ZMIZ1: variants seen among roughly 807,000 people sequenced by gnomAD.
ZMIZ1 encodes the protein zinc finger MIZ domain-containing protein 1.
A neutral mutation model predicts 113.9 loss-of-function variants in ZMIZ1; 17 were observed. The ratio of observed to expected loss-of-function variants is 0.15; its 90% CI spans 0.10 to 0.22. ZMIZ1 has a LOEUF of 0.22. Ranked by LOEUF, ZMIZ1 falls within the 10% of genes least tolerant of loss-of-function variation. The pLI, the probability that ZMIZ1 is intolerant of heterozygous loss-of-function variation, is 1.00. For missense variants in ZMIZ1, 1,059 were observed against 1,477.8 expected (o/e 0.72, Z 4.65); for synonymous variants, 607 against 603.1 (o/e 1.01, Z -0.09).
At chr10:79,197,926 C>T (rs1381331675) in intron 4 of ZMIZ1, among the ~76,000 whole-genome samples, 3 of 152,116 alleles carry the variant, frequency 2.0e-5, no homozygotes, top group African/African-American at 4.8e-5. Context: ...CTCCGCACGC[C>T]CAACCCATCT....
intron 3 of ZMIZ1, among the ~76,000 whole-genome samples, chr10:79,146,440 C>A (rs1410383040): frequency 6.6e-6 from 1 of 152,172 alleles, no homozygotes; most frequent in Non-Finnish European, 1.5e-5. Flanking sequence ...TCCCTCACCC[C>A]CTAGATGCCC....
At chr10:79,233,988 G>A (rs1239949157) in intron 7 of ZMIZ1, among the ~76,000 whole-genome samples, 1 of 152,068 alleles carries the variant, frequency 6.6e-6, no homozygotes, top group South Asian at 2.1e-4. Flanking sequence ...GAGCAACCCA[G>A]GCTGAGGGCA....
intron 3 of ZMIZ1, among the ~76,000 whole-genome samples, chr10:79,149,487 C>T (rs1845623424): frequency 6.6e-6 from 1 of 152,190 alleles, no homozygotes; most frequent in South Asian, 2.1e-4. Flanking sequence ...CCTGAGGCCA[C>T]AGGGAATGGG....
chr10:79,232,937 G>C (rs12250559), intron 7 of ZMIZ1, among the ~76,000 whole-genome samples: 2,028 of 152,304 alleles, frequency 0.013, 17 homozygotes, highest in Middle Eastern at 0.037. Context: ...GTGATAGGAA[G>C]TACTGATGCC....
At chr10:79,213,900 G>A (rs1222078286) in intron 6 of ZMIZ1, among the ~76,000 whole-genome samples, 1 of 152,140 alleles carries the variant, frequency 6.6e-6, no homozygotes, top group Non-Finnish European at 1.5e-5. Flanking sequence ...TTTGCACTTT[G>A]TTGCATACAA....
At position 79,298,563 on chromosome 10, in the gene ZMIZ1, C is replaced by A. The variant is rs745685007; in HGVS notation, c.1649C>A (p.Ala550Asp). ...CCTGACATCAAGCCAAATATGAGCGCTCTGCCACCACCCCCAGGTGAGGGC... is the reference window on the plus strand; with the variant it reads ...CCTGACATCAAGCCAAATATGAGCGATCTGCCACCACCCCCAGGTGAGGGC... Reference protein sequence around the residue: ...FPPDIKPNMSALPPPPANHND... With the variant: ...FPPDIKPNMSDLPPPPANHND... The change falls in exon 15 of 25, where the codon GCT (alanine) becomes GAT (aspartate). Residue 550 changes from alanine to aspartate, a missense_variant. Physicochemically the swap from Ala to Asp is moderately radical, Grantham distance 126. Transcript: ENST00000334512. 1.9e-6 allele frequency: 3 copies of A among 1,600,368 alleles called. No individual in the cohort carries two copies. In the South Asian group the frequency reaches 3.3e-5, roughly 18 times the overall value.
rs180719596 is a variant in ZMIZ1 at position 79,188,733 on chromosome 10, G to A, written c.-49-12851G>A. Among the ~76,000 whole-genome samples, 319 of 151,574 alleles carry A rather than the reference G, an allele frequency of 2.1e-3. 2 individuals carry two copies. Among genetic ancestry groups the A allele is most frequent in the African/African-American group, 7.3e-3 (300 of 41,288 alleles). ...ACCCTTGGGCCACTCCCTTTAGGTC[G>A]GCATTTCTCAAAGCAAGTCCTGGGG... On this transcript the variant is annotated intron_variant, in intron 4 of 24. Transcript: ENST00000334512.
chr10:79,257,711 A>G (rs962746391), intron 7 of ZMIZ1, among the ~76,000 whole-genome samples: 2 of 152,244 alleles, frequency 1.3e-5, no homozygotes, highest in African/African-American at 4.8e-5. Flanking sequence ...CTTGCTGTCT[A>G]TCTCCTGGGG....
chr10:79,116,377 T>G (rs887648361), intron 1 of ZMIZ1, among the ~76,000 whole-genome samples: 2 of 151,948 alleles, frequency 1.3e-5, no homozygotes, highest in Non-Finnish European at 2.9e-5. Context: ...GAAGAGAGAC[T>G]TACACACTCT....
chr10:79,158,965 G>A (rs1846003905), intron 3 of ZMIZ1, among the ~76,000 whole-genome samples: 1 of 152,240 alleles, frequency 6.6e-6, no homozygotes, highest in African/African-American at 2.4e-5. Context: ...GTTTCAGGCT[G>A]CTGTCGGCAC....
In ZMIZ1 at chr10:79,086,327, G is replaced by A. The variant is rs758600672; in HGVS notation, c.-337+17057G>A. 2.6e-5 allele frequency among the ~76,000 whole-genome samples: 4 copies of A among 152,034 alleles called. 1 individual carries two copies. Among genetic ancestry groups the A allele is most frequent in the South Asian group, 4.1e-4 (2 of 4,820 alleles). On this transcript the variant is annotated intron_variant, in intron 1 of 24. Coordinates refer to ENST00000334512, the MANE Select transcript of ZMIZ1 (RefSeq NM_020338.4). Reference sequence around the variant, plus strand: ...CAGCCCTCAGCCTTCTCCTCCTCCCGGTACCAGCTAGGTCAGACAAGACCT... The same window carrying A: ...CAGCCCTCAGCCTTCTCCTCCTCCCAGTACCAGCTAGGTCAGACAAGACCT...
intron 23 of ZMIZ1, among the ~76,000 whole-genome samples, 161 bp from the exon 24 acceptor site, chr10:79,310,763 C>A (rs1044442555): frequency 4.6e-5 from 7 of 152,104 alleles, no homozygotes; most frequent in Non-Finnish European, 1.0e-4. Context: ...AGAAATTTTT[C>A]TTTGTTTCTC....
chr10:79,162,781 C>T (rs1044653258), intron 4 of ZMIZ1, among the ~76,000 whole-genome samples: 1 of 152,154 alleles, frequency 6.6e-6, no homozygotes, highest in Non-Finnish European at 1.5e-5. Context: ...ACCTTTCTCC[C>T]CACACACCTC....
chr10:79,167,198 T>C (rs1222664856), intron 4 of ZMIZ1, among the ~76,000 whole-genome samples: 1 of 152,236 alleles, frequency 6.6e-6, no homozygotes, highest in Non-Finnish European at 1.5e-5. Flanking sequence ...CTTCTTGCCG[T>C]TTAAAGTGTG....
chr10:79,208,380 G>A lies in ZMIZ1; in HGVS notation c.105G>A (p.Leu35=), dbSNP rs915463893. The change falls in exon 6 of 25, where the codon CTG becomes CTA. Residue 35 remains leucine (L), a synonymous_variant. Coordinates refer to ENST00000334512, the MANE Select transcript of ZMIZ1 (RefSeq NM_020338.4). ...ACTTCCACAATGCCGCCACGGAGCT[G>A]CTGGACTGGTGCGGAGACCCACGGG... ...PANFHNAATE[L]LDWCGDPRAF... is the part of the protein sequence containing the mutation. 2 of 1,614,036 alleles carry A rather than the reference G, an allele frequency of 1.2e-6. No homozygotes were observed. The highest frequency in any genetic ancestry group is 2.7e-5 in the African/African-American group (2 of 74,930).
At chr10:79,266,552 GC>G (rs1337387366) in intron 7 of ZMIZ1, among the ~76,000 whole-genome samples, 1 of 152,210 alleles carries the variant, frequency 6.6e-6, no homozygotes, top group African/African-American at 2.4e-5. Flanking sequence ...GGTGAGTCGG[GC>G]CAGAAGGGGT....
chr10:79,097,565 C>T (rs1369648811), intron 1 of ZMIZ1, among the ~76,000 whole-genome samples: 1 of 152,228 alleles, frequency 6.6e-6, no homozygotes, highest in East Asian at 1.9e-4. Context: ...ATCAATTGGA[C>T]TGTTTCCCCA....
chr10:79,163,433 A>G (rs1846194744), intron 4 of ZMIZ1, among the ~76,000 whole-genome samples: 1 of 152,260 alleles, frequency 6.6e-6, no homozygotes, highest in African/African-American at 2.4e-5. Context: ...CATTGCTGAC[A>G]GAGCTGCTGT....
At chr10:79,243,105 C>T (rs995602895) in intron 7 of ZMIZ1, among the ~76,000 whole-genome samples, 7 of 151,542 alleles carry the variant, frequency 4.6e-5, no homozygotes, top group Admixed American at 3.3e-4. Context: ...CCGCGCTCCT[C>T]CTCCTCCTCC....
Sources: gnomAD v4.1 joint callset for allele counts (sites outside exome capture counted in the v4.1 genomes callset) on GRCh38, gnomAD v4.1.1 for gene constraint, MANE v1.5 for transcripts, NCBI Gene and HGNC (gene_info 2026-07-23, HGNC 2026-07-21) for gene names.